TRPM6: variants seen among roughly 807,000 people sequenced by gnomAD.
TRPM6 encodes transient receptor potential cation channel subfamily M member 6.
In TRPM6, 111 loss-of-function variants were observed where a neutral mutation model predicts 247.6. That is an observed-to-expected ratio of 0.45 (90% CI 0.38 to 0.52). The LOEUF (loss-of-function observed/expected upper bound fraction) is 0.52, where lower values mean the gene tolerates loss of function less well. TRPM6 is among the 20% of genes least tolerant of loss of function. The probability of loss-of-function intolerance (pLI) is 0.00; values close to 1 mark genes in which losing one functional copy is unlikely to be tolerated. For synonymous variants in TRPM6, 892 were observed against 853.8 expected (o/e 1.04, Z -0.78); for missense variants, 2,126 against 2,421.5 (o/e 0.88, Z 2.56).
intron 7 of TRPM6, among the ~76,000 whole-genome samples, chr9:74,822,301 ATGCAGTGGTGTGATCACAGCTCAC>A (rs930674382): frequency 6.6e-6 from 1 of 152,192 alleles, no homozygotes; most frequent in African/African-American, 2.4e-5. Flanking sequence ...CTAGGCTGGA[ATGCAGTGGTGTGATCACAGCTCAC>A]TGCAGCCTCG....
chr9:74,782,827 G>A lies in TRPM6; in HGVS notation c.2946C>T (p.Ile982=). 1.2e-6 allele frequency: 2 copies of A among 1,614,154 alleles called. No individual in the cohort carries two copies. Among genetic ancestry groups the A allele is most frequent in the Non-Finnish European group, 1.7e-6 (2 of 1,180,032 alleles). The stretch of plus-strand genomic sequence containing the variant: ...AGCTCAGCAGGACTATGGCCATGAT[G>A]ATCACAATATAGAACATGTTTGCTG... The part of the protein sequence containing the change: ...KMTANMFYIV[I]IMAIVLLSFG... The change falls in exon 22 of 39, where the codon ATC becomes ATT. Residue 982 remains isoleucine (I), a synonymous_variant. Transcript: ENST00000360774.
At chr9:74,844,046 A>T (rs1372831662) in intron 3 of TRPM6, among the ~76,000 whole-genome samples, 2 of 152,202 alleles carry the variant, frequency 1.3e-5, no homozygotes, top group Non-Finnish European at 2.9e-5. Context: ...AATATTCAGT[A>T]AACCATACTA....
intron 38 of TRPM6, 119 bp from the exon 39 acceptor site, chr9:74,724,865 T>C (rs1278705796): frequency 2.3e-6 from 3 of 1,310,072 alleles, no homozygotes; most frequent in South Asian, 1.2e-5. Context: ...CCTCAGACCA[T>C]AGATATGTGG....
intron 1 of TRPM6, among the ~76,000 whole-genome samples, chr9:74,870,400 T>C (rs1283976753): frequency 6.6e-6 from 1 of 151,900 alleles, no homozygotes; most frequent in East Asian, 1.9e-4. Context: ...TAAGAGTAAA[T>C]GTAACTGGGG....
rs1829096937 is a variant in TRPM6, at chr9:74,820,409, C to T, written c.1029G>A (p.Val343=). ...GAATCATGCAGATGATCTCCTCTTT[C>T]ACCTGAGGTCGCAGCATCCTGGAAG... is the stretch of plus-strand genomic sequence containing the variant. ...LADEGMLRPQ[V]KEEIICMIQN... The change falls in exon 9 of 39, where the codon GTG becomes GTA. Residue 343 remains valine (V), a synonymous_variant. Transcript: ENST00000360774. 1.2e-6 allele frequency: 2 copies of T among 1,614,040 alleles called. No individual in the cohort carries two copies. Among genetic ancestry groups the T allele is most frequent in the South Asian group, 1.1e-5 (1 of 91,084 alleles).
chr9:74,823,827 A>G (rs1322632166), intron 7 of TRPM6, among the ~76,000 whole-genome samples: 4 of 152,186 alleles, frequency 2.6e-5, no homozygotes, highest in Non-Finnish European at 5.9e-5. Context: ...TTGACATGGA[A>G]ATAGGACCGT....
intron 4 of TRPM6, 57 bp from the exon 5 acceptor site, chr9:74,840,294 C>A: frequency 7.7e-7 from 1 of 1,295,108 alleles, no homozygotes; most frequent in Non-Finnish European, 1.1e-6. Flanking sequence ...ATGCCAGGCA[C>A]AGAAACAATG....
chr9:74,851,969 T>TA (rs1830334370), intron 3 of TRPM6, among the ~76,000 whole-genome samples: 1 of 150,260 alleles, frequency 6.7e-6, no homozygotes, highest in East Asian at 2.0e-4. Context: ...CTATAAAAAA[T>TA]AAAAAACAAA....
chr9:74,866,128 C>T (rs984718713), intron 1 of TRPM6, among the ~76,000 whole-genome samples: 2 of 152,030 alleles, frequency 1.3e-5, no homozygotes, highest in Admixed American at 6.6e-5. Context: ...ATCGAGACCC[C>T]GTGTCTACGT....
chr9:74,836,375 G>C lies in TRPM6; in HGVS notation c.545-2253C>G, dbSNP rs187365766. The stretch of plus-strand genomic sequence containing the variant: ...TAACCTGCATATGGCATGGATCTGA[G>C]GCTTAGCAGCTAAATCACTTCCTCA... On this transcript the variant is annotated intron_variant, in intron 5 of 38. Transcript: ENST00000360774. Among the ~76,000 whole-genome samples, 353 of 152,240 alleles carry C rather than the reference G, an allele frequency of 2.3e-3. 4 individuals carry two copies. Among genetic ancestry groups the C allele is most frequent in the African/African-American group, 8.0e-3 (334 of 41,532 alleles).
chr9:74,867,984 C>T (rs1396279878), intron 1 of TRPM6, among the ~76,000 whole-genome samples: 1 of 151,518 alleles, frequency 6.6e-6, no homozygotes, highest in African/African-American at 2.4e-5. Flanking sequence ...GAAACCCCAA[C>T]TCTATTAAAA....
chr9:74,771,919 G>T (rs1352623611), intron 24 of TRPM6, 84 bp from the exon 25 acceptor site: 1 of 1,282,362 alleles, frequency 7.8e-7, no homozygotes, highest in Non-Finnish European at 1.1e-6. Context: ...TATTGAAAAT[G>T]AGAAACTATA....
intron 1 of TRPM6, among the ~76,000 whole-genome samples, chr9:74,863,030 T>G (rs980642484): frequency 1.3e-5 from 2 of 151,840 alleles, no homozygotes; most frequent in Non-Finnish European, 2.9e-5. Context: ...TTTTTTGTTT[T>G]GTTTTGTTTT....
intron 3 of TRPM6, among the ~76,000 whole-genome samples, chr9:74,852,420 C>A (rs1796079201): frequency 6.9e-6 from 1 of 144,160 alleles, no homozygotes; most frequent in African/African-American, 2.6e-5. Context: ...CGCTCCCGCT[C>A]CCTCTCCCGC....
intron 36 of TRPM6, among the ~76,000 whole-genome samples, chr9:74,734,880 T>G (rs761705967): frequency 1.3e-5 from 2 of 152,104 alleles, no homozygotes; most frequent in Non-Finnish European, 2.9e-5. Flanking sequence ...ATACATATTT[T>G]GGGGCACACA....
At chr9:74,782,325 C>T (rs992742086) in intron 23 of TRPM6, 37 bp downstream of exon 23, 1 of 1,494,046 alleles carries the variant, frequency 6.7e-7, no homozygotes. Context: ...GCCCACATTT[C>T]TTATTTAAAT....
At chr9:74,777,890 AC>A (rs1396784605) in intron 23 of TRPM6, among the ~76,000 whole-genome samples, 5 of 152,242 alleles carry the variant, frequency 3.3e-5, no homozygotes, top group African/African-American at 1.2e-4. Flanking sequence ...TTAAGAACAA[AC>A]AAATCAGTAG....
At chr9:74,855,631 A>G in intron 2 of TRPM6, 66 bp from the exon 3 acceptor site, 1 of 980,694 alleles carries the variant, frequency 1.0e-6, no homozygotes, top group Non-Finnish European at 1.7e-6. Context: ...TAATGCTTGT[A>G]CAGTAAATAT....
rs192404345 is a variant in TRPM6, at chr9:74,752,051, G to A, written c.4998+226C>T. On this transcript the variant is annotated intron_variant, in intron 29 of 38. Transcript: ENST00000360774. ...GAACATCCCCAGGATAAATTATTGA[G>A]TGGATAGGTAAATTGCATAAAGAAA... 6.6e-5 allele frequency among the ~76,000 whole-genome samples: 10 copies of A among 152,274 alleles called. No homozygotes were observed. In the East Asian group the frequency reaches 1.9e-3, roughly 29 times the overall value.
Sources: allele counts gnomAD v4.1 joint callset (sites outside exome capture counted in the v4.1 genomes callset), GRCh38; gene constraint gnomAD v4.1.1; transcripts MANE v1.5; gene names NCBI Gene and HGNC (gene_info 2026-07-23, HGNC 2026-07-21).